DLG1: variants seen among roughly 807,000 people sequenced by gnomAD.
DLG1 encodes discs large MAGUK scaffold protein 1.
In DLG1, 42 loss-of-function variants were observed where a neutral mutation model predicts 123.4. That is an observed-to-expected ratio of 0.34 (90% CI 0.27 to 0.44). The LOEUF (loss-of-function observed/expected upper bound fraction) is 0.44. DLG1 is among the 20% of genes least tolerant of loss of function. The pLI, the probability that DLG1 is intolerant of heterozygous loss-of-function variation, is 1.00. For missense variants in DLG1, 942 were observed against 1,082.6 expected (o/e 0.87, Z 1.82); for synonymous variants, 317 against 356.2 (o/e 0.89, Z 1.24).
intron 19 of DLG1, among the ~76,000 whole-genome samples, chr3:197,067,660 C>G (rs565223839): frequency 6.8e-6 from 1 of 147,222 alleles, no homozygotes; most frequent in East Asian, 2.0e-4. Context: ...CGGGTTCAAG[C>G]GGTTCTCCTG....
At chr3:197,296,964 T>A (rs1777723703) in intron 2 of DLG1, 2 of 417,084 alleles carry the variant, frequency 4.8e-6, no homozygotes, top group Non-Finnish European at 8.5e-6. Flanking sequence ...GGGGGGGGGC[T>A]AACTGCCTCT....
At chr3:197,127,938 T>A (rs1440974351) in intron 11 of DLG1, among the ~76,000 whole-genome samples, 3 of 152,152 alleles carry the variant, frequency 2.0e-5, no homozygotes, top group Non-Finnish European at 2.9e-5. Context: ...CTAGCAATCA[T>A]CTCAGCCTTC....
intron 11 of DLG1, among the ~76,000 whole-genome samples, chr3:197,120,276 A>G (rs1775618568): frequency 1.5e-5 from 1 of 68,048 alleles, no homozygotes; most frequent in East Asian, 2.3e-4. Context: ...CGAGAAAGAA[A>G]AAAAAAAAAA....
At chr3:197,141,607 T>C (rs918963098) in intron 7 of DLG1, among the ~76,000 whole-genome samples, 1 of 152,246 alleles carries the variant, frequency 6.6e-6, no homozygotes, top group African/African-American at 2.4e-5. Flanking sequence ...GTCTTGAGTA[T>C]ACACACATTT....
At chr3:197,050,168 C>A (rs1726364127) in intron 24 of DLG1, among the ~76,000 whole-genome samples, 1 of 152,068 alleles carries the variant, frequency 6.6e-6, no homozygotes, top group Admixed American at 6.6e-5. Flanking sequence ...GAGATCAAGA[C>A]CGTCCTGGCT....
chr3:197,127,058 C>T (rs1450324468), intron 11 of DLG1, among the ~76,000 whole-genome samples: 1 of 152,052 alleles, frequency 6.6e-6, no homozygotes, highest in African/African-American at 2.4e-5. Context: ...ATACAGATTT[C>T]ATTTTTCCAC....
chr3:197,115,524 G>A (rs1466819933), intron 13 of DLG1, among the ~76,000 whole-genome samples: 1 of 152,042 alleles, frequency 6.6e-6, no homozygotes, highest in Non-Finnish European at 1.5e-5. Flanking sequence ...AAAACCTAAT[G>A]CTATGAGGAC....
At chr3:197,265,021 G>A (rs1761094533) in intron 4 of DLG1, among the ~76,000 whole-genome samples, 1 of 152,154 alleles carries the variant, frequency 6.6e-6, no homozygotes, top group Non-Finnish European at 1.5e-5. Context: ...TTTTAAGGCT[G>A]TACTCAGGGA....
At chr3:197,294,946 T>C (rs904762603) in intron 3 of DLG1, among the ~76,000 whole-genome samples, 4 of 152,170 alleles carry the variant, frequency 2.6e-5, no homozygotes, top group Non-Finnish European at 1.5e-5. Context: ...CGAAAAAACA[T>C]ACTTTTTTTG....
chr3:197,104,104 T>C (rs1337137635), intron 14 of DLG1, among the ~76,000 whole-genome samples: 1 of 152,152 alleles, frequency 6.6e-6, no homozygotes, highest in African/African-American at 2.4e-5. Flanking sequence ...TTATTTTAAA[T>C]AGCGGCAGTA....
intron 4 of DLG1, among the ~76,000 whole-genome samples, chr3:197,220,025 A>G (rs1170128023): frequency 1.3e-5 from 2 of 152,224 alleles, no homozygotes; most frequent in Non-Finnish European, 2.9e-5. Flanking sequence ...TAATACTCTA[A>G]AAAGTTTTAT....
At position 197,231,579 on chromosome 3, in the gene DLG1, T is replaced by C. The variant is rs545862294; in HGVS notation, c.319-36990A>G. The stretch of plus-strand genomic sequence containing the variant: ...AGCCAGGCATGGTGGCAGGCGCCTG[T>C]AGTCCCAGCTACTCGGGGGGCTGAG... On this transcript the variant is annotated intron_variant, in intron 4 of 24. Transcript: ENST00000667157. Among the ~76,000 whole-genome samples the C allele has an allele frequency of 3.1e-3, 463 of 151,752 alleles. 4 individuals are homozygous for C. The highest frequency in any genetic ancestry group is 5.0e-3 in the Non-Finnish European group (337 of 67,916).
rs377045543 is a variant in DLG1 at position 197,238,943 on chromosome 3, G to C, written c.318+43736C>G. ...AGGAACTAGTAAAACAAGAACAAAC[G>C]AAACACAAGGTTAGCAGGAGGAAAA... On this transcript the variant is annotated intron_variant, in intron 4 of 24. Transcript: ENST00000667157. 1.3e-4 allele frequency among the ~76,000 whole-genome samples: 20 copies of C among 151,968 alleles called. No individual in the cohort carries two copies. In the East Asian group the frequency reaches 2.5e-3, roughly 19 times the overall value.
At chr3:197,162,727 A>C (rs1284145228) in intron 5 of DLG1, among the ~76,000 whole-genome samples, 1 of 152,246 alleles carries the variant, frequency 6.6e-6, no homozygotes, top group Non-Finnish European at 1.5e-5. Context: ...AAAATTGATT[A>C]ACAACCTAAA....
At chr3:197,049,530 G>T (rs955816503) in intron 24 of DLG1, among the ~76,000 whole-genome samples, 10 of 152,176 alleles carry the variant, frequency 6.6e-5, no homozygotes, top group Non-Finnish European at 1.0e-4. Context: ...CAAGGCGGGC[G>T]GATCACCTGA....
intron 4 of DLG1, among the ~76,000 whole-genome samples, chr3:197,204,033 C>A (rs1449434216): frequency 1.3e-5 from 2 of 152,158 alleles, no homozygotes; most frequent in Non-Finnish European, 2.9e-5. Flanking sequence ...AAATAGAGTA[C>A]AAAGAACACC....
chr3:197,053,363 C>T (rs1185737107), intron 23 of DLG1, among the ~76,000 whole-genome samples: 2 of 152,096 alleles, frequency 1.3e-5, no homozygotes, highest in Non-Finnish European at 2.9e-5. Flanking sequence ...TTAATTTCTC[C>T]CTCATTTTTG....
At chr3:197,184,202 T>A in intron 5 of DLG1, 1 of 779,760 alleles carries the variant, frequency 1.3e-6, no homozygotes, top group Non-Finnish European at 1.6e-6. Context: ...AACACTGGAC[T>A]ACCAAGACCC....
At chr3:197,047,393 A>C (rs1724071148) in intron 24 of DLG1, among the ~76,000 whole-genome samples, 1 of 152,208 alleles carries the variant, frequency 6.6e-6, no homozygotes, top group Non-Finnish European at 1.5e-5. Flanking sequence ...ACTTCTATTT[A>C]AGTCTGAAAT....
Sources: gnomAD v4.1 joint callset for allele counts (sites outside exome capture counted in the v4.1 genomes callset) on GRCh38, gnomAD v4.1.1 for gene constraint, MANE v1.5 for transcripts, NCBI Gene and HGNC (gene_info 2026-07-23, HGNC 2026-07-21) for gene names.